CYP4Z1: variants seen among roughly 807,000 people sequenced by gnomAD.
The protein encoded by CYP4Z1 is cytochrome P450 4Z1.
CYP4Z1 carries 41 observed loss-of-function variants against 54.2 expected under a neutral mutation model. The ratio of observed to expected loss-of-function variants is 0.76; its 90% CI spans 0.59 to 0.98. The LOEUF (loss-of-function observed/expected upper bound fraction) is 0.98, where lower values mean the gene tolerates loss of function less well. Among genes scored for constraint, CYP4Z1 ranks in the 50% least tolerant of loss-of-function variants. The pLI, the probability that CYP4Z1 is intolerant of heterozygous loss-of-function variation, is 0.00. For synonymous variants in CYP4Z1, 163 were observed against 206.2 expected (o/e 0.79, Z 1.79); for missense variants, 513 against 599.0 (o/e 0.86, Z 1.50).
intron 7 of CYP4Z1, among the ~76,000 whole-genome samples, chr1:47,095,994 T>G (rs1169143385): frequency 1.3e-5 from 2 of 152,198 alleles, no homozygotes; most frequent in Admixed American, 6.5e-5. Context: ...CAACTTTCAT[T>G]GTGTTGGCTA....
the CYP4Z1 span, among the ~76,000 whole-genome samples, chr1:47,058,318 A>C: frequency 6.6e-6 from 1 of 152,080 alleles, no homozygotes; most frequent in African/African-American, 2.4e-5. Flanking sequence ...CCTTGCTCCA[A>C]TAAAGACCTT....
chr1:47,066,113 AG>A, upstream of CYP4Z1, among the ~76,000 whole-genome samples: 1 of 152,196 alleles, frequency 6.6e-6, no homozygotes, highest in Non-Finnish European at 1.5e-5. Flanking sequence ...TCAAAGAAGA[AG>A]TGGTACCAAT....
Position 47,117,885 on chromosome 1 carries a change from T to C in CYP4Z1, c.1469T>C (p.Val490Ala). The C allele has an allele frequency of 6.2e-7, 1 of 1,613,634 alleles. No homozygotes were observed. Among genetic ancestry groups the C allele is most frequent in the Non-Finnish European group, 8.5e-7 (1 of 1,179,776 alleles). Residue 490 changes from valine (V) to alanine (A), a missense_variant, in exon 12 of 12, where the codon GTC (valine) becomes GCC (alanine). By Grantham distance (64) the Val-to-Ala change is moderately conservative. Coordinates refer to ENST00000334194, the MANE Select transcript of CYP4Z1 (RefSeq NM_178134.3). ...SRPPQPVRQVVLKSKNGIHVF... is the reference protein window; with the variant it reads ...SRPPQPVRQVALKSKNGIHVF... ...CCTCCCCAGCCTGTTCGTCAAGTTGTCCTCAAGTCCAAGAATGGAATCCAT... is the reference window on the plus strand; with the variant it reads ...CCTCCCCAGCCTGTTCGTCAAGTTGCCCTCAAGTCCAAGAATGGAATCCAT...
intron 9 of CYP4Z1, 67 bp from the exon 10 acceptor site, chr1:47,115,460 TAA>T: frequency 7.0e-7 from 1 of 1,430,694 alleles, no homozygotes; most frequent in East Asian, 2.4e-5. Flanking sequence ...AAAAAAAAAG[TAA>T]AAGAGAAAAA....
intron 2 of CYP4Z1, among the ~76,000 whole-genome samples, chr1:47,073,667 T>G (rs1250292471): frequency 2.0e-5 from 3 of 152,252 alleles, no homozygotes; most frequent in African/African-American, 7.2e-5. Context: ...TTAATTTGCA[T>G]TTCCCTAATG....
intron 9 of CYP4Z1, among the ~76,000 whole-genome samples, chr1:47,114,110 G>A (rs1379607542): frequency 6.6e-6 from 1 of 151,926 alleles, no homozygotes; most frequent in African/African-American, 2.4e-5. Context: ...ATAGATCAAT[G>A]GAACAGAACA....
chr1:47,094,591 G>A lies in CYP4Z1; in HGVS notation c.798G>A (p.Glu266=). 1 of 1,600,430 alleles carries A rather than the reference G, an allele frequency of 6.2e-7. No individual in the cohort carries two copies. The highest frequency in any genetic ancestry group is 8.5e-7 in the Non-Finnish European group (1 of 1,175,764). ...AGAAAGTAATCCAGGACCGGAAGGA[G>A]TCTCTTAAGGATAAGCTAAAACAAG... ...FTEKVIQDRK[E]SLKDKLKQDT... The change falls in exon 7 of 12, where the codon GAG becomes GAA. Residue 266 remains glutamate (E), a synonymous_variant. Transcript: ENST00000334194.
At chr1:47,112,814 A>G (rs1461821727) in intron 9 of CYP4Z1, among the ~76,000 whole-genome samples, 1 of 152,156 alleles carries the variant, frequency 6.6e-6, no homozygotes, top group African/African-American at 2.4e-5. Context: ...ATTGTTCAAT[A>G]TTAGGAATCC....
intron 6 of CYP4Z1, among the ~76,000 whole-genome samples, chr1:47,085,741 C>T (rs1486948098): frequency 6.6e-5 from 10 of 151,372 alleles, no homozygotes; most frequent in African/African-American, 2.2e-4. Flanking sequence ...ATGTGCACAA[C>T]GTGCAGGTTT....
chr1:47,100,849 C>T (rs12045381), intron 8 of CYP4Z1, among the ~76,000 whole-genome samples: 37,962 of 152,062 alleles, frequency 0.25, 5,654 homozygotes, highest in East Asian at 0.69. Flanking sequence ...GTGGGGACTA[C>T]TGTATAAATA....
At chr1:47,060,119 T>TTTG in the CYP4Z1 span, among the ~76,000 whole-genome samples, 1 of 152,010 alleles carries the variant, frequency 6.6e-6, no homozygotes, top group African/African-American at 2.4e-5. Context: ...TTTTTAAATA[T>TTTG]TTGTTAGACA....
chr1:47,058,695 T>C, the CYP4Z1 span, among the ~76,000 whole-genome samples: 1 of 152,072 alleles, frequency 6.6e-6, no homozygotes, highest in Non-Finnish European at 1.5e-5. Context: ...TATTCCTGAC[T>C]ACTACCAATA....
At chr1:47,057,327 G>GAAAAAAAAAAAAAAAAAAAAAA in the CYP4Z1 span, among the ~76,000 whole-genome samples, 10 of 18,022 alleles carry the variant, frequency 5.5e-4, 3 homozygotes, top group East Asian at 1.4e-3. Flanking sequence ...TACTTCTTAA[G>GAAAAAAAAAAAAAAAAAAAAAA]AAAAAAAAAT....
chr1:47,109,847 A>G (rs1176934127), intron 9 of CYP4Z1, among the ~76,000 whole-genome samples: 1 of 148,456 alleles, frequency 6.7e-6, no homozygotes, highest in Non-Finnish European at 1.5e-5. Context: ...AGAGTCATTG[A>G]GGTGTTTTCA....
chr1:47,069,448 G>C (rs575339491), intron 2 of CYP4Z1, among the ~76,000 whole-genome samples: 1 of 151,994 alleles, frequency 6.6e-6, no homozygotes, highest in South Asian at 2.1e-4. Flanking sequence ...GCAGCCTGTG[G>C]CTCTCTCATT....
intron 10 of CYP4Z1, 74 bp from the exon 11 acceptor site, chr1:47,116,575 GT>G: frequency 2.0e-6 from 1 of 504,780 alleles, no homozygotes; most frequent in South Asian, 5.6e-5. Context: ...TATGGATTTC[GT>G]TTTTGTTTTT....
At chr1:47,093,946 G>A (rs1263446388) in intron 6 of CYP4Z1, among the ~76,000 whole-genome samples, 2 of 152,138 alleles carry the variant, frequency 1.3e-5, no homozygotes, top group Admixed American at 6.5e-5. Context: ...ATAGAACTTT[G>A]TCATCTACAA....
chr1:47,083,184 C>T (rs1644568217), intron 4 of CYP4Z1, among the ~76,000 whole-genome samples: 1 of 152,016 alleles, frequency 6.6e-6, no homozygotes. Flanking sequence ...ATCCTAGTCA[C>T]AAAGACTTCT....
At chr1:47,114,811 G>C (rs1397545633) in intron 9 of CYP4Z1, among the ~76,000 whole-genome samples, 1 of 152,184 alleles carries the variant, frequency 6.6e-6, no homozygotes, top group African/African-American at 2.4e-5. Flanking sequence ...TGCTGGAGAG[G>C]ATGTGGAGAA....
Sources: gnomAD v4.1 joint callset for allele counts (sites outside exome capture counted in the v4.1 genomes callset) on GRCh38, gnomAD v4.1.1 for gene constraint, MANE v1.5 for transcripts, NCBI Gene and HGNC (gene_info 2026-07-23, HGNC 2026-07-21) for gene names.